Variants in PIGK observed in about 807,000 individuals in gnomAD.
The protein encoded by PIGK is GPI-anchor transamidase.
A neutral mutation model predicts 50.6 loss-of-function variants in PIGK; 42 were observed. The ratio of observed to expected loss-of-function variants is 0.83; its 90% CI spans 0.65 to 1.07. The LOEUF (loss-of-function observed/expected upper bound fraction) is 1.07, where lower values mean the gene tolerates loss of function less well. PIGK is among the 50% of genes least tolerant of loss of function. The pLI is 0.00. For synonymous variants in PIGK, 151 were observed against 156.0 expected (o/e 0.97, Z 0.24); for missense variants, 448 against 488.7 (o/e 0.92, Z 0.78).
intron 3 of PIGK, among the ~76,000 whole-genome samples, chr1:77,187,070 G>A (rs1295206234): frequency 1.3e-5 from 2 of 152,112 alleles, no homozygotes; most frequent in Non-Finnish European, 2.9e-5. Context: ...CATCACCTCT[G>A]AACAATGCAC....
intron 10 of PIGK, among the ~76,000 whole-genome samples, chr1:77,095,294 A>G (rs548438940): frequency 6.6e-6 from 1 of 152,312 alleles, no homozygotes; most frequent in South Asian, 2.1e-4. Context: ...ACAGTTTCCC[A>G]GAAACAAGGA....
chr1:77,096,940 T>A (rs188442604), intron 10 of PIGK, among the ~76,000 whole-genome samples: 6 of 151,774 alleles, frequency 4.0e-5, no homozygotes, highest in Admixed American at 2.0e-4. Flanking sequence ...TTTGTTTTTT[T>A]AATTATGCTT....
At chr1:77,193,245 A>ATGTGTGTGTGTGTG (rs56987496) in intron 3 of PIGK, among the ~76,000 whole-genome samples, 2,958 of 144,796 alleles carry the variant, frequency 0.02, 119 homozygotes, top group African/African-American at 0.066. Flanking sequence ...TGGCATGAGA[A>ATGTGTGTGTGTGTG]TGTGTGTGTG....
intron 3 of PIGK, among the ~76,000 whole-genome samples, chr1:77,192,748 G>A (rs1448857069): frequency 6.6e-6 from 1 of 152,090 alleles, no homozygotes; most frequent in Non-Finnish European, 1.5e-5. Context: ...TAGAGTTAAT[G>A]GGTATAGAGT....
chr1:77,125,729 G>A (rs1227615327), intron 9 of PIGK, among the ~76,000 whole-genome samples: 1 of 152,002 alleles, frequency 6.6e-6, no homozygotes, highest in East Asian at 1.9e-4. Flanking sequence ...CAGGAAACAG[G>A]AGTCCTTTCA....
chr1:77,206,790 G>C, intron 2 of PIGK, 59 bp from the exon 3 acceptor site: 2 of 1,004,250 alleles, frequency 2.0e-6, no homozygotes, highest in South Asian at 1.3e-5. Flanking sequence ...TGGAGCTGCA[G>C]AGTATTTTTC....
intron 8 of PIGK, among the ~76,000 whole-genome samples, chr1:77,155,507 A>C (rs1654987349): frequency 6.6e-6 from 1 of 152,170 alleles, no homozygotes; most frequent in African/African-American, 2.4e-5. Context: ...TAAACATAAC[A>C]AGGTAGAAAA....
chr1:77,184,978 TG>T (rs1655705891), intron 3 of PIGK, among the ~76,000 whole-genome samples: 1 of 152,208 alleles, frequency 6.6e-6, no homozygotes, highest in African/African-American at 2.4e-5. Flanking sequence ...CCACCTGGCC[TG>T]GGCAGAAGAC....
At chr1:77,152,664 A>G (rs1228897997) in intron 9 of PIGK, among the ~76,000 whole-genome samples, 1 of 151,492 alleles carries the variant, frequency 6.6e-6, no homozygotes, top group East Asian at 1.9e-4. Context: ...GGCAAAAAAC[A>G]AAACAAAACA....
intron 3 of PIGK, among the ~76,000 whole-genome samples, chr1:77,179,718 T>A (rs1557815783): frequency 6.6e-6 from 1 of 152,182 alleles, no homozygotes; most frequent in East Asian, 1.9e-4. Context: ...TCCTTTAAAT[T>A]TAATTTGGCT....
At chr1:77,214,411 T>G (rs937539390) in intron 1 of PIGK, among the ~76,000 whole-genome samples, 4 of 152,114 alleles carry the variant, frequency 2.6e-5, no homozygotes, top group Admixed American at 2.6e-4. Flanking sequence ...AACATATGAC[T>G]GTCTCAGTAG....
intron 9 of PIGK, among the ~76,000 whole-genome samples, chr1:77,146,769 C>A (rs1264387716): frequency 6.6e-6 from 1 of 151,420 alleles, no homozygotes; most frequent in African/African-American, 2.4e-5. Context: ...TGCACTCCAG[C>A]CTGGGCGACA....
chr1:77,123,312 C>A (rs988018020), intron 9 of PIGK, among the ~76,000 whole-genome samples: 7 of 152,102 alleles, frequency 4.6e-5, no homozygotes, highest in African/African-American at 1.7e-4. Flanking sequence ...AATTACTAAA[C>A]TTTAATTATC....
At chr1:77,145,426 T>G (rs766328444) in intron 9 of PIGK, among the ~76,000 whole-genome samples, 1 of 152,088 alleles carries the variant, frequency 6.6e-6, no homozygotes, top group Non-Finnish European at 1.5e-5. Context: ...GTAATACTTC[T>G]GCATTTGAGC....
At chr1:77,202,438 A>G (rs1656190963) in intron 3 of PIGK, among the ~76,000 whole-genome samples, 1 of 152,184 alleles carries the variant, frequency 6.6e-6, no homozygotes, top group African/African-American at 2.4e-5. Context: ...AGGAGAAAGA[A>G]AAGAACTGTA....
At chr1:77,140,948 G>A (rs1191347981) in intron 9 of PIGK, among the ~76,000 whole-genome samples, 2 of 152,026 alleles carry the variant, frequency 1.3e-5, no homozygotes, top group Non-Finnish European at 1.5e-5. Flanking sequence ...CTTATCACCT[G>A]TTTCAGTACC....
chr1:77,134,476 C>T (rs1557802202), intron 9 of PIGK, among the ~76,000 whole-genome samples: 2 of 152,134 alleles, frequency 1.3e-5, no homozygotes, highest in Admixed American at 1.3e-4. Context: ...GAGTGAATGA[C>T]AATTATGTCA....
intron 10 of PIGK, among the ~76,000 whole-genome samples, chr1:77,096,037 G>A (rs574542842): frequency 1.5e-3 from 222 of 152,052 alleles, no homozygotes; most frequent in African/African-American, 5.0e-3. Flanking sequence ...ATTTAATAAG[G>A]AACCAAAAAT....
chr1:77,158,726 T>C (rs973411996), intron 8 of PIGK, among the ~76,000 whole-genome samples: 26 of 152,122 alleles, frequency 1.7e-4, no homozygotes, highest in African/African-American at 6.0e-4. Context: ...ATTTAGGGTA[T>C]CTGGTGGAAG....
Sources: allele counts gnomAD v4.1 joint callset (sites outside exome capture counted in the v4.1 genomes callset), GRCh38; gene constraint gnomAD v4.1.1; transcripts MANE v1.5; gene names NCBI Gene and HGNC (gene_info 2026-07-23, HGNC 2026-07-21).